The following MGAT4C variants were observed in gnomAD, a reference collection of about 807,000 sequenced individuals.
MGAT4C encodes MGAT4 family member C, also known as alpha-1,3-mannosyl-glycoprotein 4-beta-N-acetylglucosaminyltransferase C.
Under a neutral mutation model 40.1 loss-of-function variants are expected in MGAT4C, and 19 were observed. The observed-to-expected ratio is 0.47, with a 90% CI of 0.33 to 0.70. MGAT4C has a LOEUF of 0.70. Among genes scored for constraint, MGAT4C ranks in the 30% least tolerant of loss-of-function variants. The probability of loss-of-function intolerance (pLI) is 0.02; values close to 1 mark genes in which losing one functional copy is unlikely to be tolerated. For missense variants in MGAT4C, 491 were observed against 563.2 expected, an observed-to-expected ratio of 0.87 and a Z score of 1.30; for synonymous variants, 181 against 187.1, an observed-to-expected ratio of 0.97 and a Z score of 0.27.
At chr12:86,428,146 T>A (rs933564357) in intron 3 of MGAT4C, among the ~76,000 whole-genome samples, 1 of 152,232 alleles carries the variant, frequency 6.6e-6, no homozygotes. Flanking sequence ...AGATGTTACA[T>A]ACATTTCAAG....
intron 2 of MGAT4C, among the ~76,000 whole-genome samples, chr12:86,579,503 G>C (rs1960695899): frequency 6.6e-6 from 1 of 151,444 alleles, no homozygotes; most frequent in African/African-American, 2.4e-5. Context: ...TTATTGTACT[G>C]AGTGCGTCTT....
chr12:86,601,817 C>A (rs956677640), intron 2 of MGAT4C, among the ~76,000 whole-genome samples: 1 of 152,148 alleles, frequency 6.6e-6, no homozygotes, highest in Non-Finnish European at 1.5e-5. Context: ...ACACACACCC[C>A]ACCCTCATCC....
chr12:86,028,428 C>G (rs1890438605), intron 2 of MGAT4C, among the ~76,000 whole-genome samples: 1 of 151,852 alleles, frequency 6.6e-6, no homozygotes, highest in African/African-American at 2.4e-5. Context: ...GGTCTGGTGT[C>G]TAACTTGTAG....
At chr12:86,579,120 A>C (rs554141376) in intron 2 of MGAT4C, among the ~76,000 whole-genome samples, 38 of 151,624 alleles carry the variant, frequency 2.5e-4, no homozygotes, top group African/African-American at 9.2e-4. Flanking sequence ...CAGATAGTCT[A>C]TGTTTATTGA....
chr12:86,074,438 T>C (rs991807555), intron 1 of MGAT4C, among the ~76,000 whole-genome samples: 19 of 152,174 alleles, frequency 1.2e-4, no homozygotes, highest in African/African-American at 4.1e-4. Context: ...CTGAATAGTA[T>C]ATCTTAATAA....
At chr12:86,358,050 A>C (rs1397813224) in intron 3 of MGAT4C, among the ~76,000 whole-genome samples, 1 of 152,176 alleles carries the variant, frequency 6.6e-6, no homozygotes. Context: ...AATTGAAATG[A>C]AGGAAAAAAT....
chr12:86,659,600 T>TA (rs1424952087), intron 2 of MGAT4C, among the ~76,000 whole-genome samples: 1 of 151,902 alleles, frequency 6.6e-6, no homozygotes, highest in Non-Finnish European at 1.5e-5. Context: ...GAAAACTAAA[T>TA]AACAAATGTA....
chr12:86,323,357 C>A (rs1954442365), intron 4 of MGAT4C, among the ~76,000 whole-genome samples: 1 of 151,198 alleles, frequency 6.6e-6, no homozygotes. Context: ...ATTCAACTTG[C>A]TTTTTGTATC....
chr12:85,991,985 G>T (rs1310318982), intron 2 of MGAT4C, among the ~76,000 whole-genome samples: 1 of 152,052 alleles, frequency 6.6e-6, no homozygotes, highest in East Asian at 1.9e-4. Flanking sequence ...CTTTTCAAAG[G>T]GCAGACAAAG....
chr12:86,699,103 GTCT>G lies in MGAT4C; in HGVS notation c.-229+28103_-229+28105del, dbSNP rs778894058. Reference sequence around the variant, plus strand: ...CTTCATCATTAAATAGGAATTCTATGTCTTCTTATTACCATACAGAAGGACATT... The same window carrying G: ...CTTCATCATTAAATAGGAATTCTATGTCTTATTACCATACAGAAGGACATT... On this transcript the variant is annotated intron_variant, in intron 2 of 7. Coordinates refer to the MGAT4C transcript ENST00000548651. Among the ~76,000 whole-genome samples the G allele has an allele frequency of 5.3e-5, 8 of 152,178 alleles. No homozygotes were observed. In the East Asian group the frequency reaches 1.4e-3, roughly 26 times the overall value.
In MGAT4C at chr12:86,780,076, C is replaced by T. The variant is rs57144038; in HGVS notation, c.-261-52835G>A. Among the ~76,000 whole-genome samples, 1,363 of 151,926 alleles carry T rather than the reference C, an allele frequency of 9.0e-3. 14 individuals are homozygous for T. The highest frequency in any genetic ancestry group is 0.031 in the African/African-American group (1,306 of 41,484). ...TCCCCATTTATTTTTTAATTATAGACTTATATTCAACCTCAAAACTTGAAA... is the reference window on the plus strand; with the variant it reads ...TCCCCATTTATTTTTTAATTATAGATTTATATTCAACCTCAAAACTTGAAA... On this transcript the variant is annotated intron_variant, in intron 1 of 7. Coordinates refer to the MGAT4C transcript ENST00000548651.
intron 2 of MGAT4C, among the ~76,000 whole-genome samples, chr12:86,565,815 C>G (rs913434812): frequency 6.6e-6 from 1 of 152,162 alleles, no homozygotes; most frequent in African/African-American, 2.4e-5. Flanking sequence ...CTGTGGACAC[C>G]ACTTAGCCTC....
intron 2 of MGAT4C, among the ~76,000 whole-genome samples, chr12:86,005,464 C>T (rs573149349): frequency 2.1e-4 from 32 of 152,254 alleles, no homozygotes; most frequent in Admixed American, 6.5e-4. Context: ...GAGTTAGGAA[C>T]TGAGGTTAAC....
chr12:86,248,442 C>T (rs1406735570), intron 1 of MGAT4C, among the ~76,000 whole-genome samples: 1 of 151,964 alleles, frequency 6.6e-6, no homozygotes, highest in African/African-American at 2.4e-5. Context: ...TATATCTCCA[C>T]CTCCCTAATG....
chr12:86,415,523 T>C (rs1956691384), intron 3 of MGAT4C, among the ~76,000 whole-genome samples: 1 of 151,960 alleles, frequency 6.6e-6, no homozygotes. Flanking sequence ...GTCTGTATTG[T>C]TAGGACTTTG....
intron 2 of MGAT4C, among the ~76,000 whole-genome samples, chr12:86,684,881 T>A (rs1257907498): frequency 6.6e-6 from 1 of 151,552 alleles, no homozygotes; most frequent in Non-Finnish European, 1.5e-5. Context: ...TTTGATGGGT[T>A]TTTTGTTTTT....
intron 2 of MGAT4C, among the ~76,000 whole-genome samples, chr12:86,571,034 C>T (rs1291172888): frequency 6.6e-6 from 1 of 152,070 alleles, no homozygotes; most frequent in Non-Finnish European, 1.5e-5. Context: ...AGGCTGGTTT[C>T]GAACTCCTGA....
chr12:86,005,268 A>C (rs1887759461), intron 2 of MGAT4C, among the ~76,000 whole-genome samples: 1 of 152,214 alleles, frequency 6.6e-6, no homozygotes, highest in South Asian at 2.1e-4. Flanking sequence ...TTGTACATAT[A>C]ATATTTTCTC....
At chr12:86,392,058 T>C (rs1376095168) in intron 3 of MGAT4C, among the ~76,000 whole-genome samples, 1 of 152,194 alleles carries the variant, frequency 6.6e-6, no homozygotes, top group Non-Finnish European at 1.5e-5. Context: ...TGATTTTATG[T>C]ATCTAAATGG....
Sources: gnomAD v4.1 joint callset for allele counts (sites outside exome capture counted in the v4.1 genomes callset) on GRCh38, gnomAD v4.1.1 for gene constraint, MANE v1.5 for transcripts, NCBI Gene and HGNC (gene_info 2026-07-23, HGNC 2026-07-21) for gene names.